Variants in UBR1 observed in about 807,000 individuals in gnomAD.
UBR1 encodes E3 ubiquitin-protein ligase UBR1.
UBR1 carries 102 observed loss-of-function variants against 242.1 expected under a neutral mutation model. That is an observed-to-expected ratio of 0.42 (90% CI 0.36 to 0.50). UBR1 has a LOEUF of 0.50. UBR1 is among the 20% of genes least tolerant of loss of function. The pLI is 0.01. For missense variants in UBR1, 1,772 were observed against 2,101.8 expected (o/e 0.84, Z 3.07); for synonymous variants, 675 against 684.8 (o/e 0.99, Z 0.22).
At chr15:42,998,937 C>CTTTTTT (rs35098054) in intron 32 of UBR1, among the ~76,000 whole-genome samples, 11 of 121,272 alleles carry the variant, frequency 9.1e-5, no homozygotes, top group Non-Finnish European at 1.7e-4. Context: ...GGAGCCTTTG[C>CTTTTTT]TTTTTTTTTT....
chr15:42,946,976 C>T (rs1008572419), intron 46 of UBR1, among the ~76,000 whole-genome samples: 3 of 151,924 alleles, frequency 2.0e-5, no homozygotes, highest in Non-Finnish European at 2.9e-5. Flanking sequence ...AGTAAAACCC[C>T]GTCACTACTA....
intron 40 of UBR1, among the ~76,000 whole-genome samples, chr15:42,969,067 G>A (rs1211937281): frequency 6.6e-6 from 1 of 152,084 alleles, no homozygotes; most frequent in African/African-American, 2.4e-5. Context: ...GGTATTTCTA[G>A]TTCTAGATCC....
chr15:42,983,904 A>G lies in UBR1; in HGVS notation c.4143T>C (p.Leu1381=). The G allele has an allele frequency of 6.2e-7, 1 of 1,611,286 alleles. No individual in the cohort carries two copies. The highest frequency in any genetic ancestry group is 2.2e-5 in the East Asian group (1 of 44,806). The change falls in exon 37 of 47, where the codon CTT becomes CTC. Residue 1381 remains leucine (L), a synonymous_variant. Transcript: ENST00000290650. ...GTTCAGAGAAGACTCTACCTGATAG[A>G]AGACGAACCAGATGTTTCTGTATCA... The part of the protein sequence containing the change: ...QVLIQKHLVR[L]LSVVLPNIKS...
At chr15:43,064,695 G>A (rs2033731600) in intron 6 of UBR1, among the ~76,000 whole-genome samples, 1 of 151,472 alleles carries the variant, frequency 6.6e-6, no homozygotes. Context: ...TCCTGCCTCA[G>A]CCTCCTGAGT....
intron 33 of UBR1, among the ~76,000 whole-genome samples, chr15:42,994,554 C>T (rs553552799): frequency 1.3e-5 from 2 of 152,280 alleles, no homozygotes; most frequent in South Asian, 2.1e-4. Context: ...CCCACTATCA[C>T]TATGTTTTTG....
At chr15:43,019,028 A>C (rs1216219589) in intron 27 of UBR1, among the ~76,000 whole-genome samples, 1 of 152,218 alleles carries the variant, frequency 6.6e-6, no homozygotes, top group East Asian at 1.9e-4. Context: ...CTACATATTC[A>C]TAAAATCTAC....
chr15:43,024,809 A>G lies in UBR1; in HGVS notation c.2739+20T>C. On this transcript the variant is annotated intron_variant, in intron 25 of 46. Transcript: ENST00000290650. ...GAACTCTAGGACTTGATGTAGAGAAAATATTTCAGGTAAACAAACCATTTG... is the reference window on the plus strand; with the variant it reads ...GAACTCTAGGACTTGATGTAGAGAAGATATTTCAGGTAAACAAACCATTTG... 1 of 1,614,142 alleles carries G rather than the reference A, an allele frequency of 6.2e-7. No individual in the cohort carries two copies. Among genetic ancestry groups the G allele is most frequent in the Non-Finnish European group, 8.5e-7 (1 of 1,179,994 alleles).
intron 14 of UBR1, among the ~76,000 whole-genome samples, chr15:43,046,679 T>C (rs2033490940): frequency 2.0e-5 from 3 of 152,130 alleles, no homozygotes; most frequent in African/African-American, 7.2e-5. Context: ...AGAAAATAAA[T>C]AAATGAGGTC....
chr15:42,946,648 C>G (rs918603059), intron 46 of UBR1, among the ~76,000 whole-genome samples: 6 of 152,154 alleles, frequency 3.9e-5, no homozygotes, highest in Admixed American at 3.9e-4. Flanking sequence ...TTCAAAGGAA[C>G]AAAATTTCAG....
intron 46 of UBR1, among the ~76,000 whole-genome samples, chr15:42,948,585 G>GA (rs1305000950): frequency 6.7e-6 from 1 of 149,920 alleles, no homozygotes; most frequent in Non-Finnish European, 1.5e-5. Context: ...AAATTTACAA[G>GA]AAACAAACAA....
rs183189070 is a variant in UBR1 at position 42,979,608 on chromosome 15, T to C, written c.4151-1661A>G. 2.3e-3 allele frequency among the ~76,000 whole-genome samples: 348 copies of C among 152,264 alleles called. 2 individuals are homozygous for C. In the Middle Eastern group the frequency reaches 0.027, roughly 12 times the overall value. ...CTCTGTCCCCCAGGCTGGAGTACAG[T>C]GGTGCAATCTCGGCTCACTACAACC... On this transcript the variant is annotated intron_variant, in intron 37 of 46. Coordinates refer to ENST00000290650, the MANE Select transcript of UBR1 (RefSeq NM_174916.3).
At position 42,945,293 on chromosome 15, in the gene UBR1, T is replaced by C. The variant is rs759847318; in HGVS notation, c.*36A>G. Reference sequence around the variant, plus strand: ...AATTTTGAATCAGCCTTTACTACTGTCGTCATTTGTGATTGTCTTGAGGCA... The same window carrying C: ...AATTTTGAATCAGCCTTTACTACTGCCGTCATTTGTGATTGTCTTGAGGCA... On this transcript the variant is annotated 3_prime_UTR_variant, in exon 47 of 47. Transcript: ENST00000290650. The C allele has an allele frequency of 2.5e-6, 4 of 1,613,956 alleles. No individual in the cohort carries two copies. Among genetic ancestry groups the C allele is most frequent in the African/African-American group, 2.7e-5 (2 of 74,944 alleles).
chr15:43,054,527 C>T lies in UBR1; in HGVS notation c.1439+215G>A, dbSNP rs117274355. Among the ~76,000 whole-genome samples, 6 of 152,252 alleles carry T rather than the reference C, an allele frequency of 3.9e-5. No homozygotes were observed. The East Asian group carries it at 7.7e-4, about 20-fold the overall frequency. On this transcript the variant is annotated intron_variant, in intron 12 of 46. Coordinates refer to ENST00000290650, the MANE Select transcript of UBR1 (RefSeq NM_174916.3). ...CCCAAGTTCCTGTAATGGGCCTCTC[C>T]TCAATACCTTCTTTACTAACCAGGT...
chr15:43,092,965 G>A (rs996458121), intron 1 of UBR1, among the ~76,000 whole-genome samples: 1 of 151,702 alleles, frequency 6.6e-6, no homozygotes, highest in Non-Finnish European at 1.5e-5. Flanking sequence ...TTTTGCCTTT[G>A]GTTGGTTGTT....
intron 40 of UBR1, 135 bp from the exon 41 acceptor site, chr15:42,966,421 A>C: frequency 7.7e-7 from 1 of 1,302,952 alleles, no homozygotes; most frequent in East Asian, 2.5e-5. Context: ...AAACATTTAA[A>C]ACAAAATATA....
chr15:43,040,834 T>C (rs756960476), intron 15 of UBR1, among the ~76,000 whole-genome samples: 54 of 152,088 alleles, frequency 3.6e-4, no homozygotes, highest in African/African-American at 1.3e-3. Flanking sequence ...AACAGACACA[T>C]GAAAAAATGT....
intron 39 of UBR1, among the ~76,000 whole-genome samples, chr15:42,971,723 A>G (rs920868034): frequency 2.6e-5 from 4 of 152,212 alleles, no homozygotes; most frequent in Non-Finnish European, 5.9e-5. Flanking sequence ...AGAGAGTTCA[A>G]TAATTCTAAG....
intron 39 of UBR1, among the ~76,000 whole-genome samples, chr15:42,971,889 T>C (rs1215818905): frequency 6.6e-6 from 1 of 152,216 alleles, no homozygotes; most frequent in Non-Finnish European, 1.5e-5. Context: ...AAGTTTTAGA[T>C]TCACAGCAAA....
At chr15:42,972,188 A>C (rs1665557203) in intron 39 of UBR1, among the ~76,000 whole-genome samples, 1 of 152,052 alleles carries the variant, frequency 6.6e-6, no homozygotes. Context: ...GCCCTCCCCC[A>C]ACACCCTTAC....
Sources: allele counts gnomAD v4.1 joint callset (sites outside exome capture counted in the v4.1 genomes callset), GRCh38; gene constraint gnomAD v4.1.1; transcripts MANE v1.5; gene names NCBI Gene and HGNC (gene_info 2026-07-23, HGNC 2026-07-21).